The following TMCC1 variants were observed in gnomAD, a reference collection of about 807,000 sequenced individuals.
TMCC1 encodes transmembrane and coiled-coil domain family 1.
Under a neutral mutation model 52.4 loss-of-function variants are expected in TMCC1, and 15 were observed. The observed-to-expected ratio is 0.29, with a 90% CI of 0.19 to 0.44. The LOEUF is 0.44. Ranked by LOEUF, TMCC1 falls within the 20% of genes least tolerant of loss-of-function variation. The pLI, the probability that TMCC1 is intolerant of heterozygous loss-of-function variation, is 1.00. For synonymous variants in TMCC1, 279 were observed against 301.9 expected (o/e 0.92, Z 0.79); for missense variants, 503 against 806.0 (o/e 0.62, Z 4.55).
chr3:129,679,984 C>T (rs1396690928), intron 4 of TMCC1, among the ~76,000 whole-genome samples: 1 of 152,090 alleles, frequency 6.6e-6, no homozygotes, highest in African/African-American at 2.4e-5. Context: ...TGTGTTATAA[C>T]AGGATCTTAT....
At chr3:129,654,729 A>C (rs1445158642) in intron 6 of TMCC1, among the ~76,000 whole-genome samples, 1 of 152,210 alleles carries the variant, frequency 6.6e-6, no homozygotes, top group Non-Finnish European at 1.5e-5. Flanking sequence ...TTTTCCATAC[A>C]CTGAGATTAC....
chr3:129,769,332 C>T (rs548350190), intron 4 of TMCC1, among the ~76,000 whole-genome samples: 103 of 152,296 alleles, frequency 6.8e-4, no homozygotes, highest in African/African-American at 2.3e-3. Flanking sequence ...CGGGTTCAAG[C>T]GATTCTCATG....
intron 5 of TMCC1, among the ~76,000 whole-genome samples, chr3:129,655,877 C>T (rs1027558373): frequency 6.6e-6 from 1 of 151,986 alleles, no homozygotes; most frequent in African/African-American, 2.4e-5. Context: ...GCCACCATGC[C>T]CAGCCTAGAA....
At chr3:129,836,180 GTAA>G (rs1394355802) in intron 2 of TMCC1, among the ~76,000 whole-genome samples, 1 of 152,102 alleles carries the variant, frequency 6.6e-6, no homozygotes, top group Non-Finnish European at 1.5e-5. Flanking sequence ...TTGTATGCAT[GTAA>G]TAACATAGCC....
intron 4 of TMCC1, among the ~76,000 whole-genome samples, chr3:129,766,574 TG>T (rs2054146061): frequency 6.6e-6 from 1 of 152,200 alleles, no homozygotes; most frequent in African/African-American, 2.4e-5. Flanking sequence ...TTATTTAGAT[TG>T]TATGACAATG....
At chr3:129,781,144 A>G (rs2055490798) in intron 4 of TMCC1, among the ~76,000 whole-genome samples, 1 of 152,124 alleles carries the variant, frequency 6.6e-6, no homozygotes, top group South Asian at 2.1e-4. Flanking sequence ...TGGTTTTCTA[A>G]CACTTATCTA....
chr3:129,832,178 C>T (rs934704611), intron 3 of TMCC1, among the ~76,000 whole-genome samples: 1 of 152,122 alleles, frequency 6.6e-6, no homozygotes, highest in African/African-American at 2.4e-5. Context: ...TTTTAGATCC[C>T]TGGTTTAACA....
intron 4 of TMCC1, among the ~76,000 whole-genome samples, chr3:129,778,646 G>A (rs2055238169): frequency 1.5e-5 from 2 of 136,586 alleles, no homozygotes; most frequent in Admixed American, 1.5e-4. Flanking sequence ...TTAGGGGAGG[G>A]ACCTCATGGA....
chr3:129,888,277 T>C (rs1367515706), intron 1 of TMCC1, among the ~76,000 whole-genome samples: 1 of 152,204 alleles, frequency 6.6e-6, no homozygotes, highest in Admixed American at 6.5e-5. Flanking sequence ...CACGAAGTCA[T>C]GTTTAGCTTA....
chr3:129,875,780 G>T (rs1425927728), intron 2 of TMCC1, among the ~76,000 whole-genome samples: 2 of 152,076 alleles, frequency 1.3e-5, no homozygotes, highest in Admixed American at 6.5e-5. Context: ...ACCCACTTTG[G>T]TTATTTACAT....
At chr3:129,840,186 G>A (rs1461920991) in intron 2 of TMCC1, among the ~76,000 whole-genome samples, 1 of 151,820 alleles carries the variant, frequency 6.6e-6, no homozygotes, top group African/African-American at 2.4e-5. Context: ...ATATAGCTGG[G>A]CATGGTGGCA....
chr3:129,853,542 T>C (rs890042647), intron 2 of TMCC1, among the ~76,000 whole-genome samples: 4 of 151,152 alleles, frequency 2.6e-5, no homozygotes, highest in Non-Finnish European at 5.9e-5. Context: ...GGCAGGAGGA[T>C]TGCTTGAGCC....
chr3:129,879,585 A>G (rs540196973), intron 2 of TMCC1, among the ~76,000 whole-genome samples: 1 of 152,252 alleles, frequency 6.6e-6, no homozygotes, highest in Non-Finnish European at 1.5e-5. Context: ...CAATAACCCC[A>G]TGAGCTGTGT....
intron 2 of TMCC1, among the ~76,000 whole-genome samples, chr3:129,849,386 G>A (rs1318887286): frequency 2.6e-5 from 4 of 151,876 alleles, no homozygotes; most frequent in Non-Finnish European, 4.4e-5. Flanking sequence ...CTTGAACCCA[G>A]GAGGCGGATG....
At chr3:129,777,795 A>G (rs1468470668) in intron 4 of TMCC1, among the ~76,000 whole-genome samples, 1 of 152,238 alleles carries the variant, frequency 6.6e-6, no homozygotes, top group African/African-American at 2.4e-5. Flanking sequence ...TCTGTGCAGA[A>G]TAAACAGATT....
intron 4 of TMCC1, among the ~76,000 whole-genome samples, chr3:129,773,395 C>G (rs2054771442): frequency 6.6e-6 from 1 of 151,774 alleles, no homozygotes. Flanking sequence ...GAAAGCAAAG[C>G]TAGGGGGAAA....
chr3:129,681,039 T>C (rs1455519842), intron 4 of TMCC1, among the ~76,000 whole-genome samples: 6 of 152,160 alleles, frequency 3.9e-5, no homozygotes, highest in East Asian at 1.9e-4. Context: ...ATGATGGTAG[T>C]GATACGGCAC....
At chr3:129,669,791 C>T (rs2087768124) in intron 5 of TMCC1, among the ~76,000 whole-genome samples, 1 of 152,198 alleles carries the variant, frequency 6.6e-6, no homozygotes, top group African/African-American at 2.4e-5. Flanking sequence ...TGATTCAAAG[C>T]ACTTAACCCT....
At chr3:129,717,750 T>C (rs1432858736) in intron 4 of TMCC1, among the ~76,000 whole-genome samples, 2 of 152,210 alleles carry the variant, frequency 1.3e-5, no homozygotes, top group Non-Finnish European at 2.9e-5. Context: ...CATCTTATAA[T>C]CTTCACTTGT....
Sources: allele counts gnomAD v4.1 joint callset (sites outside exome capture counted in the v4.1 genomes callset), GRCh38; gene constraint gnomAD v4.1.1; transcripts MANE v1.5; gene names NCBI Gene and HGNC (gene_info 2026-07-23, HGNC 2026-07-21).